FAM193B: variants seen among roughly 807,000 people sequenced by gnomAD.
FAM193B encodes protein FAM193B.
In FAM193B, 27 loss-of-function variants were observed where a neutral mutation model predicts 70.7. The observed-to-expected ratio is 0.38, with a 90% CI of 0.28 to 0.53. FAM193B has a LOEUF of 0.53. Among genes scored for constraint, FAM193B ranks in the 20% least tolerant of loss-of-function variants. The probability of loss-of-function intolerance (pLI) is 0.81; values close to 1 mark genes in which losing one functional copy is unlikely to be tolerated. For synonymous variants in FAM193B, 448 were observed against 436.0 expected (o/e 1.03, Z -0.34); for missense variants, 1,022 against 1,072.5 (o/e 0.95, Z 0.66).
chr5:177,530,041 G>A (rs1002696829), intron 5 of FAM193B, among the ~76,000 whole-genome samples: 2 of 152,210 alleles, frequency 1.3e-5, no homozygotes, highest in South Asian at 4.1e-4. Flanking sequence ...GAACTAGCTG[G>A]TTGTTACACC....
At chr5:177,526,778 GACAAT>G (rs1264570750) in intron 5 of FAM193B, among the ~76,000 whole-genome samples, 1 of 152,190 alleles carries the variant, frequency 6.6e-6, no homozygotes, top group African/African-American at 2.4e-5. Context: ...GCAGAGCCAG[GACAAT>G]ACACCCAGGC....
At chr5:177,537,171 G>C (rs1168631069) in intron 3 of FAM193B, among the ~76,000 whole-genome samples, 2 of 152,190 alleles carry the variant, frequency 1.3e-5, no homozygotes, top group African/African-American at 4.8e-5. Context: ...GAGGGCCCCA[G>C]ATTTCAGACA....
intron 5 of FAM193B, chr5:177,531,820 T>TTGTG: frequency 9.2e-7 from 1 of 1,089,200 alleles, no homozygotes; most frequent in Non-Finnish European, 1.2e-6. Flanking sequence ...CACCGAGTCT[T>TTGTG]TGTGAGCCTC....
intron 5 of FAM193B, among the ~76,000 whole-genome samples, chr5:177,527,472 G>A (rs1037236100): frequency 6.6e-6 from 1 of 152,206 alleles, no homozygotes; most frequent in African/African-American, 2.4e-5. Flanking sequence ...TTGGTGCTGG[G>A]TAGGGAGACA....
intron 1 of FAM193B, chr5:177,553,658 C>A (rs1361650598): frequency 7.8e-7 from 1 of 1,280,394 alleles, no homozygotes; most frequent in Non-Finnish European, 1.0e-6. Context: ...GGAAGAAGGG[C>A]AGGTTCTGCT....
Position 177,538,091 on chromosome 5 carries a change from G to T in FAM193B, c.470C>A (p.Thr157Lys). 6 of 1,544,302 alleles carry T rather than the reference G, an allele frequency of 3.9e-6. No individual in the cohort carries two copies. The highest frequency in any genetic ancestry group is 5.3e-6 in the Non-Finnish European group (6 of 1,140,496). Residue 157 changes from threonine to lysine, a missense_variant, in exon 3 of 9, where the codon ACA becomes AAA. Coordinates refer to ENST00000514747, the MANE Select transcript of FAM193B (RefSeq NM_001190946.3). This position sits in a 1 kb window ranked among gnomAD's most constrained non-coding sequence, Gnocchi z 4.1. Reference protein sequence around the residue: ...EHAVAISLSHTSCKSQSCGDD... With the variant: ...EHAVAISLSHKSCKSQSCGDD... ...TCCACAAGACTGTGATTTGCAGGAT[G>T]TGTGTGACAAGGAGATCTGGAGAAG...
intron 1 of FAM193B, among the ~76,000 whole-genome samples, chr5:177,543,835 G>A (rs1303536169): frequency 1.3e-5 from 2 of 152,226 alleles, no homozygotes; most frequent in Non-Finnish European, 2.9e-5. Flanking sequence ...CTGCTCCCAA[G>A]CTGTACTTTT....
intron 1 of FAM193B, among the ~76,000 whole-genome samples, chr5:177,539,913 G>A (rs1359537624): frequency 6.6e-6 from 1 of 152,030 alleles, no homozygotes; most frequent in Non-Finnish European, 1.5e-5. Context: ...TCATCACTGC[G>A]TAGCAGGTAA....
At chr5:177,528,426 A>T (rs910981707) in intron 5 of FAM193B, among the ~76,000 whole-genome samples, 2 of 152,110 alleles carry the variant, frequency 1.3e-5, no homozygotes, top group African/African-American at 4.8e-5. Flanking sequence ...AGGCTCAAGG[A>T]GCAGTTTGCT....
chr5:177,524,487 T>C lies in FAM193B; in HGVS notation c.1994A>G (p.Lys665Arg). 1.9e-6 allele frequency: 3 copies of C among 1,612,890 alleles called. No individual in the cohort carries two copies. Among genetic ancestry groups the C allele is most frequent in the Non-Finnish European group, 2.5e-6 (3 of 1,179,692 alleles). ...CTGCTTGGGGCCAGCGACCTGGCCC[T>C]TGGCACTGGGAACCTCTAGGCTGGC... ...PPASLEVPSA[K>R]GQVAGPKQPG... Residue 665 changes from lysine to arginine, a missense_variant, in exon 6 of 9, where the codon AAG (lysine) becomes AGG (arginine). By Grantham distance (26) the Lys-to-Arg change is conservative. Coordinates refer to ENST00000514747, the MANE Select transcript of FAM193B (RefSeq NM_001190946.3).
At chr5:177,545,037 A>G (rs2127483932) in intron 1 of FAM193B, among the ~76,000 whole-genome samples, 1 of 152,118 alleles carries the variant, frequency 6.6e-6, no homozygotes, top group South Asian at 2.1e-4. Flanking sequence ...AATGAAAAGA[A>G]GACCATTCTT....
At chr5:177,533,297 A>G (rs2127465401) in intron 4 of FAM193B, among the ~76,000 whole-genome samples, 1 of 151,126 alleles carries the variant, frequency 6.6e-6, no homozygotes, top group East Asian at 1.9e-4. Flanking sequence ...GCCAGGTTCT[A>G]GAGTCGGCAT....
Position 177,532,489 on chromosome 5 carries a change from C to T in FAM193B, c.1229G>A (p.Gly410Glu), listed in dbSNP as rs1457998577. Residue 410 changes from glycine to glutamate, a missense_variant, in exon 5 of 9, where the codon GGG (glycine) becomes GAG (glutamate). Coordinates refer to ENST00000514747, the MANE Select transcript of FAM193B (RefSeq NM_001190946.3). This position sits in a 1 kb window ranked among gnomAD's most constrained non-coding sequence, Gnocchi z 4.9. ...ACAGTAGCAGCAGTCACAGAACTTC[C>T]CATCTCTCTGGTGGGTGGAGGATGA... ...CTSSSTHQRD[G>E]KFCDCCYCEF... 1.9e-6 allele frequency: 3 copies of T among 1,611,806 alleles called. No individual in the cohort carries two copies. The highest frequency in any genetic ancestry group is 2.7e-5 in the African/African-American group (2 of 74,908).
intron 5 of FAM193B, among the ~76,000 whole-genome samples, chr5:177,526,359 G>A (rs185538541): frequency 1.3e-5 from 2 of 152,258 alleles, no homozygotes; most frequent in African/African-American, 4.8e-5. Flanking sequence ...TCCCATGTGC[G>A]AAGGTGGGGC....
intron 1 of FAM193B, among the ~76,000 whole-genome samples, chr5:177,552,689 G>T (rs1766431169): frequency 1.3e-5 from 2 of 152,234 alleles, no homozygotes; most frequent in Non-Finnish European, 2.9e-5. Context: ...GCTAGACCCA[G>T]TAGGGGTTGG....
chr5:177,535,328 G>A (rs543812142), intron 4 of FAM193B, among the ~76,000 whole-genome samples: 11 of 152,354 alleles, frequency 7.2e-5, no homozygotes, highest in East Asian at 1.9e-4. Flanking sequence ...GAAAACCGGC[G>A]GGTGGCAGAC....
At chr5:177,553,747 G>C in intron 1 of FAM193B, 9 of 1,287,860 alleles carry the variant, frequency 7.0e-6, no homozygotes, top group Non-Finnish European at 9.1e-6. Context: ...GCTCTGCTGG[G>C]TATGGCGAGG....
chr5:177,524,276 G>T lies in FAM193B; in HGVS notation c.2205C>A (p.Pro735=). 1.3e-6 allele frequency: 2 copies of T among 1,580,152 alleles called. No individual in the cohort carries two copies. Among genetic ancestry groups the T allele is most frequent in the Non-Finnish European group, 1.7e-6 (2 of 1,163,232 alleles). Residue 735 remains proline, a synonymous_variant, in exon 6 of 9, where the codon CCC becomes CCA. Transcript: ENST00000514747. The stretch of plus-strand genomic sequence containing the variant: ...AGCTCTGTGGCCTTGCTGGGCCTGA[G>T]GGCTGCACAGACTCCTGCTCCTGAG... ...ARPQEQESVQ[P]SGPARPQSLP...
chr5:177,552,685 C>T (rs1766429836), intron 1 of FAM193B, among the ~76,000 whole-genome samples: 1 of 152,164 alleles, frequency 6.6e-6, no homozygotes, highest in Admixed American at 6.5e-5. Flanking sequence ...GGAAGCTAGA[C>T]CCAGTAGGGG....
Sources: allele counts gnomAD v4.1 joint callset (sites outside exome capture counted in the v4.1 genomes callset), GRCh38; gene constraint gnomAD v4.1.1; non-coding constraint Gnocchi (gnomAD v3.1); transcripts MANE v1.5; gene names NCBI Gene and HGNC (gene_info 2026-07-23, HGNC 2026-07-21).